The following AK9 variants were observed in gnomAD, a reference collection of about 807,000 sequenced individuals.
AK9 encodes adenylate kinase domain containing 1.
In AK9, 191 loss-of-function variants were observed where a neutral mutation model predicts 239.6. The observed-to-expected ratio is 0.80, with a 90% CI of 0.71 to 0.90. The LOEUF (loss-of-function observed/expected upper bound fraction) is 0.90, where lower values mean the gene tolerates loss of function less well. Ranked by LOEUF, AK9 falls within the 40% of genes least tolerant of loss-of-function variation. AK9 has a pLI of 0.00. For missense variants in AK9, 1,995 were observed against 2,214.7 expected, an observed-to-expected ratio of 0.90 and a Z score of 1.99; for synonymous variants, 689 against 721.0, an observed-to-expected ratio of 0.96 and a Z score of 0.71.
chr6:109,493,365 TA>T lies in AK9; in HGVS notation c.*3del, dbSNP rs768791110. 5 of 1,610,670 alleles carry T rather than the reference TA, an allele frequency of 3.1e-6. No homozygotes were observed. In the South Asian group the frequency reaches 5.5e-5, roughly 18 times the overall value. The stretch of plus-strand genomic sequence containing the variant: ...GAGATTCAGGCTGCTATCACCTAAG[TA>T]AACTACCCATTAATTGGGTCTATAT... On this transcript the variant is annotated 3_prime_UTR_variant, in exon 41 of 41. Coordinates refer to ENST00000424296, the MANE Select transcript of AK9 (RefSeq NM_001145128.3).
At chr6:109,581,889 C>T (rs946108512) in intron 19 of AK9, among the ~76,000 whole-genome samples, 24 of 152,154 alleles carry the variant, frequency 1.6e-4, no homozygotes, top group African/African-American at 5.6e-4. Flanking sequence ...GACAGGCTGA[C>T]ACTCTTATTA....
rs556378585 is a variant in AK9 at position 109,622,350 on chromosome 6, A to G, written c.1255-3114T>C. On this transcript the variant is annotated intron_variant, in intron 12 of 40. Coordinates refer to ENST00000424296, the MANE Select transcript of AK9 (RefSeq NM_001145128.3). ...GTATATGTATATACTATAGTCATATATATAGTATATATAGCATACTATATC... is the reference window on the plus strand; with the variant it reads ...GTATATGTATATACTATAGTCATATGTATAGTATATATAGCATACTATATC... 2.0e-4 allele frequency among the ~76,000 whole-genome samples: 28 copies of G among 141,458 alleles called. No homozygotes were observed. The East Asian group carries it at 4.3e-3, about 22-fold the overall frequency. The allele number at this position is 141,458 out of a possible 152,430, so 92.8% of individuals were successfully genotyped here.
At chr6:109,568,457 G>C (rs1300282572) in intron 21 of AK9, among the ~76,000 whole-genome samples, 1 of 151,968 alleles carries the variant, frequency 6.6e-6, no homozygotes, top group Non-Finnish European at 1.5e-5. Context: ...AGAAATAAAG[G>C]GTATTCAATT....
intron 9 of AK9, 45 bp from the exon 10 acceptor site, chr6:109,641,661 T>C: frequency 6.7e-7 from 1 of 1,500,478 alleles, no homozygotes. Flanking sequence ...CATCTGAATA[T>C]CTCAAATACT....
chr6:109,557,423 C>G (rs1785140775), intron 24 of AK9, among the ~76,000 whole-genome samples: 1 of 152,106 alleles, frequency 6.6e-6, no homozygotes, highest in South Asian at 2.1e-4. Flanking sequence ...TAGGATCGCT[C>G]CTGTATAGAA....
At chr6:109,513,957 T>C (rs1403415624) in intron 32 of AK9, among the ~76,000 whole-genome samples, 2 of 152,214 alleles carry the variant, frequency 1.3e-5, no homozygotes, top group African/African-American at 2.4e-5. Flanking sequence ...TTCATCTCCC[T>C]GTCCCATGAC....
intron 10 of AK9, among the ~76,000 whole-genome samples, chr6:109,634,485 C>T (rs1042193949): frequency 6.6e-6 from 1 of 152,196 alleles, no homozygotes; most frequent in Non-Finnish European, 1.5e-5. Context: ...ACTGCTCCCC[C>T]CAACCCTCAG....
In AK9 at chr6:109,531,447, T is replaced by C. The variant is rs73523131; in HGVS notation, c.3570+1804A>G. Among the ~76,000 whole-genome samples the C allele has an allele frequency of 6.2e-3, 949 of 152,228 alleles. 16 individuals carry two copies. The highest frequency in any genetic ancestry group is 0.022 in the African/African-American group (902 of 41,544). Reference sequence around the variant, plus strand: ...AGGTCCCTAAAATTCTTAAAGCATGTGATATCTAGGATGTGGCTTCATTGC... The same window carrying C: ...AGGTCCCTAAAATTCTTAAAGCATGCGATATCTAGGATGTGGCTTCATTGC... On this transcript the variant is annotated intron_variant, in intron 28 of 40. Transcript: ENST00000424296.
chr6:109,658,066 C>G (rs888657398), intron 7 of AK9, among the ~76,000 whole-genome samples: 1 of 152,124 alleles, frequency 6.6e-6, no homozygotes, highest in Non-Finnish European at 1.5e-5. Flanking sequence ...TTTAATTACT[C>G]TATAGTTGGA....
chr6:109,651,012 A>G (rs1798853145), intron 8 of AK9, among the ~76,000 whole-genome samples: 1 of 151,982 alleles, frequency 6.6e-6, no homozygotes, highest in Non-Finnish European at 1.5e-5. Flanking sequence ...GTTCTCACTC[A>G]TAGGTGGGAA....
chr6:109,622,203 T>C (rs1366639813), intron 12 of AK9, among the ~76,000 whole-genome samples: 11 of 145,320 alleles, frequency 7.6e-5, no homozygotes, highest in Admixed American at 4.2e-4. Flanking sequence ...ATACATATTG[T>C]ATATATTTTA....
intron 24 of AK9, 65 bp from the exon 25 acceptor site, chr6:109,550,367 T>C: frequency 7.1e-7 from 1 of 1,405,176 alleles, no homozygotes; most frequent in Non-Finnish European, 9.7e-7. Context: ...CAGATAATTT[T>C]TTAAAATGCT....
chr6:109,547,433 A>G (rs193138267), intron 25 of AK9, among the ~76,000 whole-genome samples: 5 of 152,336 alleles, frequency 3.3e-5, no homozygotes, highest in Admixed American at 3.3e-4. Flanking sequence ...AAAGCACCAA[A>G]TACGTGGAAG....
intron 24 of AK9, among the ~76,000 whole-genome samples, chr6:109,557,624 A>G (rs977215012): frequency 6.6e-6 from 1 of 152,338 alleles, no homozygotes; most frequent in South Asian, 2.1e-4. Flanking sequence ...CAGAGACTGC[A>G]GTCACCCCTC....
intron 8 of AK9, among the ~76,000 whole-genome samples, chr6:109,651,725 T>C (rs1305332203): frequency 1.3e-5 from 2 of 151,990 alleles, no homozygotes; most frequent in Non-Finnish European, 2.9e-5. Context: ...CAATAAAAAA[T>C]GATAAAGGGG....
chr6:109,675,607 C>A, intron 2 of AK9, 22 bp downstream of exon 2: 12 of 1,307,896 alleles, frequency 9.2e-6, no homozygotes, highest in South Asian at 5.1e-5. Context: ...AAAATTATAC[C>A]AAATAATAAG....
chr6:109,525,223 TGTACCA>T (rs1780336887), intron 29 of AK9, among the ~76,000 whole-genome samples: 2 of 152,176 alleles, frequency 1.3e-5, no homozygotes, highest in Admixed American at 6.5e-5. Context: ...TATCTGTTTT[TGTACCA>T]GTACCATGCT....
At chr6:109,612,419 A>C (rs188055957) in intron 15 of AK9, among the ~76,000 whole-genome samples, 511 of 152,318 alleles carry the variant, frequency 3.4e-3, no homozygotes, top group African/African-American at 0.012. Context: ...ACAGGGCAGA[A>C]GAATGCCTTC....
chr6:109,656,080 TTC>T (rs1458509531), intron 8 of AK9, among the ~76,000 whole-genome samples: 1 of 152,190 alleles, frequency 6.6e-6, no homozygotes, highest in Non-Finnish European at 1.5e-5. Flanking sequence ...GTCTTCACAG[TTC>T]TGTTGCTTAG....
Sources: allele counts gnomAD v4.1 joint callset (sites outside exome capture counted in the v4.1 genomes callset), GRCh38; gene constraint gnomAD v4.1.1; transcripts MANE v1.5; gene names NCBI Gene and HGNC (gene_info 2026-07-23, HGNC 2026-07-21).